Variants in CHST11 observed in about 807,000 individuals in gnomAD.
CHST11 encodes carbohydrate sulfotransferase 11, also known as C4S-1.
A neutral mutation model predicts 30.4 loss-of-function variants in CHST11; 9 were observed. The ratio of observed to expected loss-of-function variants is 0.30; its 90% CI spans 0.18 to 0.52. The LOEUF (loss-of-function observed/expected upper bound fraction) is 0.52, where lower values mean the gene tolerates loss of function less well. Ranked by LOEUF, CHST11 falls within the 20% of genes least tolerant of loss-of-function variation. The pLI, the probability that CHST11 is intolerant of heterozygous loss-of-function variation, is 0.97. For missense variants in CHST11, 348 were observed against 460.6 expected (o/e 0.76, Z 2.24); for synonymous variants, 152 against 187.8 (o/e 0.81, Z 1.56).
At chr12:104,725,802 G>A (rs2136129540) in intron 2 of CHST11, among the ~76,000 whole-genome samples, 1 of 152,114 alleles carries the variant, frequency 6.6e-6, no homozygotes, top group Non-Finnish European at 1.5e-5. Context: ...ACAGCCCCAG[G>A]TCAACCCACA....
chr12:104,753,607 A>C (rs2040452060), intron 2 of CHST11, among the ~76,000 whole-genome samples: 3 of 152,214 alleles, frequency 2.0e-5, no homozygotes, highest in Non-Finnish European at 4.4e-5. Flanking sequence ...AATCTCAGCA[A>C]GACAAAACAA....
intron 1 of CHST11, among the ~76,000 whole-genome samples, chr12:104,585,612 C>T (rs1167027697): frequency 6.6e-6 from 1 of 152,170 alleles, no homozygotes; most frequent in Non-Finnish European, 1.5e-5. Context: ...ATAACTGAGG[C>T]CAAGAGATTG....
intron 1 of CHST11, among the ~76,000 whole-genome samples, chr12:104,481,223 C>T (rs11112075): frequency 6.6e-6 from 1 of 152,140 alleles, no homozygotes; most frequent in African/African-American, 2.4e-5. Context: ...CCTGCCTGGT[C>T]CCACTTCCTT....
chr12:104,461,189 A>G (rs11112066), intron 1 of CHST11, among the ~76,000 whole-genome samples: 59,989 of 151,956 alleles, frequency 0.39, 14,578 homozygotes, highest in African/African-American at 0.68. Context: ...TTTCACCGTG[A>G]CCTAAATTTG....
At chr12:104,642,803 AT>A (rs11304826) in intron 2 of CHST11, among the ~76,000 whole-genome samples, 113,169 of 150,700 alleles carry the variant, frequency 0.75, 43,436 homozygotes, top group African/African-American at 0.93. Flanking sequence ...GGGGATTTAG[AT>A]TTTTTTTTTT....
At chr12:104,661,887 T>C (rs2039602086) in intron 2 of CHST11, among the ~76,000 whole-genome samples, 1 of 152,190 alleles carries the variant, frequency 6.6e-6, no homozygotes, top group South Asian at 2.1e-4. Flanking sequence ...CCTCCTTGCT[T>C]TTCAGAAAAC....
chr12:104,554,235 G>T (rs2038433057), intron 1 of CHST11, among the ~76,000 whole-genome samples: 1 of 152,138 alleles, frequency 6.6e-6, no homozygotes, highest in Non-Finnish European at 1.5e-5. Flanking sequence ...ACCAGGATTT[G>T]GGGGTTACTG....
chr12:104,595,775 C>T (rs979005807), intron 1 of CHST11, among the ~76,000 whole-genome samples: 10 of 152,188 alleles, frequency 6.6e-5, no homozygotes, highest in Non-Finnish European at 1.0e-4. Flanking sequence ...TTATTAACTG[C>T]ATTGCATAGT....
chr12:104,540,450 G>A (rs1393227304), intron 1 of CHST11, among the ~76,000 whole-genome samples: 1 of 152,180 alleles, frequency 6.6e-6, no homozygotes, highest in African/African-American at 2.4e-5. Flanking sequence ...GCTCTGGCAG[G>A]CCACTTTTTG....
At chr12:104,528,484 A>C (rs1404764907) in intron 1 of CHST11, among the ~76,000 whole-genome samples, 1 of 152,192 alleles carries the variant, frequency 6.6e-6, no homozygotes, top group African/African-American at 2.4e-5. Context: ...ACGTAGGAAG[A>C]AATTGTTCAG....
chr12:104,571,084 G>T (rs1161302733), intron 1 of CHST11, among the ~76,000 whole-genome samples: 1 of 152,126 alleles, frequency 6.6e-6, no homozygotes, highest in African/African-American at 2.4e-5. Context: ...TGAGAAAATG[G>T]CAGAGAGGAT....
intron 1 of CHST11, among the ~76,000 whole-genome samples, chr12:104,492,751 T>A (rs2037758918): frequency 6.6e-6 from 1 of 152,190 alleles, no homozygotes; most frequent in Non-Finnish European, 1.5e-5. Flanking sequence ...ATCCAGGATG[T>A]GTCCGGGTGC....
intron 2 of CHST11, among the ~76,000 whole-genome samples, chr12:104,727,009 G>T (rs1375338425): frequency 6.6e-6 from 1 of 152,142 alleles, no homozygotes; most frequent in Non-Finnish European, 1.5e-5. Flanking sequence ...ATTTTTGTCT[G>T]GTCCACCAAG....
rs1413114370 is a variant in CHST11 at position 104,686,019 on chromosome 12, G to C, written c.205-70930G>C. Among the ~76,000 whole-genome samples the C allele has an allele frequency of 1.3e-5, 2 of 151,974 alleles. 1 individual carries two copies. Among genetic ancestry groups the C allele is most frequent in the Admixed American group, 1.3e-4 (2 of 15,262 alleles). On this transcript the variant is annotated intron_variant, in intron 2 of 2. Transcript: ENST00000303694. ...AAGTGGGAGGACCACTTGAGGCCAG[G>C]AGTTTGAGACCAGCCTAGGCAGCCT...
rs1031880805 is a variant in CHST11, at chr12:104,456,981, C to A, written c.-431C>A. 1 of 153,800 alleles carries A rather than the reference C, an allele frequency of 6.5e-6. No homozygotes were observed. Among genetic ancestry groups the A allele is most frequent in the Non-Finnish European group, 1.4e-5 (1 of 69,222 alleles). 9.5% of individuals were successfully genotyped at this position (153,800 alleles called of 1,614,324 possible). A position where few individuals can be genotyped will look rare whatever the true frequency, so the allele number is the denominator to read the frequency against. On this transcript the variant is annotated 5_prime_UTR_variant, in exon 1 of 3. Transcript: ENST00000303694. ...AAACCCAGCCCCGGAATATATAGATCGTTGGAGCGCAATGAAGTAGCCTTT... is the reference window on the plus strand; with the variant it reads ...AAACCCAGCCCCGGAATATATAGATAGTTGGAGCGCAATGAAGTAGCCTTT...
chr12:104,570,883 G>A (rs961204787), intron 1 of CHST11, among the ~76,000 whole-genome samples: 29 of 152,076 alleles, frequency 1.9e-4, no homozygotes, highest in Admixed American at 7.2e-4. Flanking sequence ...TAGAGACGGA[G>A]TTTCGCCATG....
At chr12:104,692,215 A>G (rs962577981) in intron 2 of CHST11, among the ~76,000 whole-genome samples, 14 of 152,196 alleles carry the variant, frequency 9.2e-5, no homozygotes, top group Non-Finnish European at 1.9e-4. Flanking sequence ...CGCAGTCCTC[A>G]GAGCGTGCAG....
At chr12:104,522,656 G>A (rs532407033) in intron 1 of CHST11, among the ~76,000 whole-genome samples, 2 of 151,518 alleles carry the variant, frequency 1.3e-5, no homozygotes, top group Admixed American at 6.6e-5. Flanking sequence ...TTTTGTAGAC[G>A]TGGCGGGTGG....
intron 2 of CHST11, among the ~76,000 whole-genome samples, chr12:104,636,618 C>T (rs1444598704): frequency 2.0e-5 from 3 of 152,144 alleles, no homozygotes; most frequent in Admixed American, 1.3e-4. Flanking sequence ...TTTTAAGAGC[C>T]TGGATGTGAG....
Sources: allele counts gnomAD v4.1 joint callset (sites outside exome capture counted in the v4.1 genomes callset), GRCh38; gene constraint gnomAD v4.1.1; transcripts MANE v1.5; gene names NCBI Gene and HGNC (gene_info 2026-07-23, HGNC 2026-07-21).